The following ONECUT1 variants were observed in gnomAD, a reference collection of about 807,000 sequenced individuals.
The protein encoded by ONECUT1 is hepatocyte nuclear factor 6.
In ONECUT1, 12 loss-of-function variants were observed where a neutral mutation model predicts 25.6. The ratio of observed to expected loss-of-function variants is 0.47; its 90% CI spans 0.30 to 0.76. ONECUT1 has a LOEUF of 0.76. ONECUT1 is among the 30% of genes least tolerant of loss of function. ONECUT1 has a pLI of 0.07. For missense variants in ONECUT1, 620 were observed against 651.2 expected, an observed-to-expected ratio of 0.95 and a Z score of 0.52; for synonymous variants, 285 against 270.2, an observed-to-expected ratio of 1.05 and a Z score of -0.54.
intron 1 of ONECUT1, chr15:52,787,796 TGGG>T (rs2083886849): frequency 6.6e-6 from 1 of 152,124 alleles, no homozygotes; most frequent in African/African-American, 2.4e-5. Flanking sequence ...AAATCCCCGG[TGGG>T]GTTCGGGCTG....
At chr15:52,760,514 A>G (rs2141445591) in intron 1 of ONECUT1, among the ~76,000 whole-genome samples, 1 of 152,322 alleles carries the variant, frequency 6.6e-6, no homozygotes, top group Admixed American at 6.5e-5. Context: ...AAGAGTGTAC[A>G]GAGTCTACTG....
chr15:52,787,673 C>A (rs1032779913), intron 1 of ONECUT1: 1 of 151,996 alleles, frequency 6.6e-6, no homozygotes. Flanking sequence ...GACCAGGAGT[C>A]AATCAACTTG....
intron 1 of ONECUT1, among the ~76,000 whole-genome samples, chr15:52,761,313 G>A (rs1426465123): frequency 6.6e-6 from 1 of 152,166 alleles, no homozygotes; most frequent in African/African-American, 2.4e-5. Flanking sequence ...AAACCTTTCT[G>A]AATGCACATC....
intron 1 of ONECUT1, among the ~76,000 whole-genome samples, chr15:52,762,095 T>C (rs937440708): frequency 6.6e-6 from 1 of 152,170 alleles, no homozygotes; most frequent in South Asian, 2.1e-4. Flanking sequence ...TAACTGAGCA[T>C]TGGGTACAGA....
Position 52,789,224 on chromosome 15 carries a change from G to A in ONECUT1, c.661C>T (p.His221Tyr). ...KMLTPNGFEA[H>Y]HPAMLGRHGE... ...TGGCGGCCGAGCATGGCCGGGTGGTGGGCTTCGAAGCCGTTGGGGGTGAGC... is the reference window on the plus strand; with the variant it reads ...TGGCGGCCGAGCATGGCCGGGTGGTAGGCTTCGAAGCCGTTGGGGGTGAGC... The change falls in exon 1 of 2, where the codon CAC becomes TAC. Residue 221 changes from histidine to tyrosine, a missense_variant. Physicochemically the swap from His to Tyr is moderately conservative, Grantham distance 83. This residue lies in a region of ONECUT1 where 440 missense variants were observed against 404.9 expected (regional missense o/e 1.09). Coordinates refer to ENST00000305901, the MANE Select transcript of ONECUT1 (RefSeq NM_004498.4). This position sits in a 1 kb window ranked among gnomAD's most constrained non-coding sequence, Gnocchi z 4.1. The A allele has an allele frequency of 1.3e-6, 2 of 1,559,210 alleles. No homozygotes were observed. The highest frequency in any genetic ancestry group is 8.7e-7 in the Non-Finnish European group (1 of 1,155,006).
intron 1 of ONECUT1, among the ~76,000 whole-genome samples, chr15:52,777,395 GA>G (rs2083807835): frequency 6.6e-6 from 1 of 152,036 alleles, no homozygotes; most frequent in Admixed American, 6.6e-5. Context: ...TCTTCTAGAG[GA>G]ATAGGACACC....
chr15:52,789,341 G>C lies in ONECUT1; in HGVS notation c.544C>G (p.Leu182Val), dbSNP rs2083900734. 1.9e-6 allele frequency: 3 copies of C among 1,594,124 alleles called. No individual in the cohort carries two copies. Among genetic ancestry groups the C allele is most frequent in the South Asian group, 1.1e-5 (1 of 87,978 alleles). The change falls in exon 1 of 2, where the codon CTC becomes GTC. Residue 182 changes from leucine to valine, a missense_variant. By Grantham distance (32) the Leu-to-Val change is conservative. Coordinates refer to ENST00000305901, the MANE Select transcript of ONECUT1 (RefSeq NM_004498.4). This position sits in a 1 kb window ranked among gnomAD's most constrained non-coding sequence, Gnocchi z 4.1. ...VAGMGQSLSPLSSSGLGSIHN... is the reference protein window; with the variant it reads ...VAGMGQSLSPVSSSGLGSIHN... ...ATGCTGCCCAGACCGGAGCTGGAGA[G>C]GGGCGAGAGGCTCTGGCCCATGCCG... is the stretch of plus-strand genomic sequence containing the variant.
chr15:52,783,981 A>G (rs1424836039), intron 1 of ONECUT1, among the ~76,000 whole-genome samples: 1 of 152,192 alleles, frequency 6.6e-6, no homozygotes, highest in African/African-American at 2.4e-5. Flanking sequence ...TTTGAAATTC[A>G]CTAGAACAAC....
At chr15:52,764,668 T>C (rs2083723962) in intron 1 of ONECUT1, among the ~76,000 whole-genome samples, 2 of 151,988 alleles carry the variant, frequency 1.3e-5, no homozygotes, top group South Asian at 4.1e-4. Context: ...TAGAGAGCAG[T>C]AAAGGGGAAA....
Position 52,756,610 on chromosome 15 carries a change from C to T in ONECUT1, c.*945G>A, listed in dbSNP as rs896828356. On this transcript the variant is annotated 3_prime_UTR_variant, in exon 2 of 2. Transcript: ENST00000305901. ...AAGGAGTGTGCCATCTGGATGTACA[C>T]GTGTACTGCATCGACCTCTCTGCCA... Among the ~76,000 whole-genome samples, 1 of 152,204 alleles carries T rather than the reference C, an allele frequency of 6.6e-6. No homozygotes were observed. The highest frequency in any genetic ancestry group is 1.5e-5 in the Non-Finnish European group (1 of 68,032).
intron 1 of ONECUT1, among the ~76,000 whole-genome samples, chr15:52,770,340 A>G (rs979697028): frequency 6.6e-6 from 1 of 152,234 alleles, no homozygotes; most frequent in African/African-American, 2.4e-5. Context: ...TGATTCTAAT[A>G]CTTAGCCAAG....
intron 1 of ONECUT1, chr15:52,781,013 C>CT (rs2083837704): frequency 1.9e-6 from 1 of 522,298 alleles, no homozygotes. Flanking sequence ...CAATTTATTA[C>CT]TTTTTAGTGC....
chr15:52,770,065 T>C (rs1222484315), intron 1 of ONECUT1, among the ~76,000 whole-genome samples: 1 of 152,218 alleles, frequency 6.6e-6, no homozygotes, highest in Non-Finnish European at 1.5e-5. Flanking sequence ...TGCCAAGCCA[T>C]TGGGCTTTTT....
At position 52,789,728 on chromosome 15, in the gene ONECUT1, T is replaced by TG; in HGVS notation, c.156dup (p.Met53HisfsTer24). 7.0e-7 allele frequency: 1 copy of TG among 1,435,640 alleles called. No homozygotes were observed. Among genetic ancestry groups the TG allele is most frequent in the Non-Finnish European group, 9.1e-7 (1 of 1,103,476 alleles). 88.9% of individuals were successfully genotyped at this position (1,435,640 alleles called of 1,614,324 possible). On this transcript the variant is annotated frameshift_variant, in exon 1 of 2. Transcript: ENST00000305901. LOFTEE classifies it high-confidence loss of function. This position sits in a 1 kb window ranked among gnomAD's most constrained non-coding sequence, Gnocchi z 4.1. ...CCGTCCAGCAGGGACGCCATGCCCA[T>TG]GGAGCGCGGGTGCGCGGGGGGCAGG...
chr15:52,787,947 C>G (rs1178197231), intron 1 of ONECUT1: 1 of 152,216 alleles, frequency 6.6e-6, no homozygotes, highest in Non-Finnish European at 1.5e-5. Flanking sequence ...TGCTCCTAGA[C>G]TTGGGGGTCA....
At chr15:52,781,241 ATTGT>A (rs1438462586) in intron 1 of ONECUT1, 1 of 152,244 alleles carries the variant, frequency 6.6e-6, no homozygotes, top group Non-Finnish European at 1.5e-5. Context: ...TCCATCAATA[ATTGT>A]TTAAGTGAAC....
chr15:52,787,601 G>C (rs1303488117), intron 1 of ONECUT1, among the ~76,000 whole-genome samples: 2 of 150,698 alleles, frequency 1.3e-5, no homozygotes, highest in African/African-American at 4.9e-5. Flanking sequence ...GCTCAGGCCT[G>C]GGCGCTGGGC....
intron 1 of ONECUT1, among the ~76,000 whole-genome samples, chr15:52,771,938 A>G (rs2141453755): frequency 6.6e-6 from 1 of 152,310 alleles, no homozygotes; most frequent in East Asian, 1.9e-4. Flanking sequence ...GTGCTTTGAG[A>G]AGAATACCAG....
intron 1 of ONECUT1, chr15:52,787,725 G>C (rs976433816): frequency 3.3e-5 from 5 of 152,240 alleles, no homozygotes; most frequent in Non-Finnish European, 7.3e-5. Flanking sequence ...GCCACCCTCC[G>C]CTGTCCTTAG....
Sources: gnomAD v4.1 joint callset for allele counts (sites outside exome capture counted in the v4.1 genomes callset) on GRCh38, gnomAD v4.1.1 for gene constraint, gnomAD v4.1.1 regional missense constraint, Gnocchi (gnomAD v3.1) non-coding constraint, MANE v1.5 for transcripts, NCBI Gene and HGNC (gene_info 2026-07-23, HGNC 2026-07-21) for gene names.